Variants in DYNC2H1 observed in about 807,000 individuals in gnomAD.
DYNC2H1 encodes cytoplasmic dynein 2 heavy chain 1.
A neutral mutation model predicts 570.0 loss-of-function variants in DYNC2H1; 410 were observed. That is an observed-to-expected ratio of 0.72 (90% CI 0.66 to 0.78). The LOEUF is 0.78. Ranked by LOEUF, DYNC2H1 falls within the 30% of genes least tolerant of loss-of-function variation. The probability of loss-of-function intolerance (pLI) is 0.00; values close to 1 mark genes in which losing one functional copy is unlikely to be tolerated. For synonymous variants in DYNC2H1, 1,688 were observed against 1,677.6 expected (o/e 1.01, Z -0.15); for missense variants, 4,865 against 5,046.4 (o/e 0.96, Z 1.09).
Position 103,109,450 on chromosome 11 carries a change from G to A in DYNC2H1, c.-125G>A. 1.0e-6 allele frequency: 1 copy of A among 955,026 alleles called. No individual in the cohort carries two copies. Among genetic ancestry groups the A allele is most frequent in the Middle Eastern group, 3.1e-4 (1 of 3,232 alleles). The allele number at this position is 955,026 out of a possible 1,614,324, so 59.2% of individuals were successfully genotyped here. A position where few individuals can be genotyped will look rare whatever the true frequency, so the allele number is the denominator to read the frequency against. ...CATAGCGACTACCCCTGGCAACCGCGAAGCTCTGCGGTCCCGCGGTCGGGC... is the reference window on the plus strand; with the variant it reads ...CATAGCGACTACCCCTGGCAACCGCAAAGCTCTGCGGTCCCGCGGTCGGGC... On this transcript the variant is annotated 5_prime_UTR_variant, in exon 1 of 89. Transcript: ENST00000375735.
intron 31 of DYNC2H1, among the ~76,000 whole-genome samples, chr11:103,167,573 A>T (rs1265687260): frequency 1.3e-5 from 2 of 152,114 alleles, no homozygotes; most frequent in East Asian, 3.9e-4. Flanking sequence ...CGGCAATAAT[A>T]GTACTTTAAA....
intron 78 of DYNC2H1, among the ~76,000 whole-genome samples, chr11:103,309,360 T>TTTTTTTC (rs1867464570): frequency 6.7e-6 from 1 of 149,038 alleles, no homozygotes; most frequent in African/African-American, 2.5e-5. Flanking sequence ...TCTTTTCTTT[T>TTTTTTTC]TTTTTTTCTT....
chr11:103,168,237 A>G (rs2134956060), intron 31 of DYNC2H1, among the ~76,000 whole-genome samples: 1 of 152,280 alleles, frequency 6.6e-6, no homozygotes, highest in African/African-American at 2.4e-5. Flanking sequence ...CTTTCCTTCT[A>G]AAGCCTGAGC....
At chr11:103,462,514 G>A (rs1049019059) in intron 87 of DYNC2H1, among the ~76,000 whole-genome samples, 1 of 151,942 alleles carries the variant, frequency 6.6e-6, no homozygotes, top group Non-Finnish European at 1.5e-5. Context: ...GGATAACTAC[G>A]GTTGCACACT....
chr11:103,137,276 G>T (rs1279700901), intron 17 of DYNC2H1, among the ~76,000 whole-genome samples: 1 of 146,038 alleles, frequency 6.8e-6, no homozygotes, highest in African/African-American at 2.5e-5. Context: ...ATTGCTTTTG[G>T]TGTTTTAGAC....
intron 83 of DYNC2H1, among the ~76,000 whole-genome samples, chr11:103,365,217 T>C (rs1940847794): frequency 6.6e-6 from 1 of 151,928 alleles, no homozygotes; most frequent in Non-Finnish European, 1.5e-5. Flanking sequence ...CAAAATTAGC[T>C]GGGCATGGTG....
chr11:103,399,519 A>G, intron 83 of DYNC2H1, 144 bp from the exon 84 acceptor site: 2 of 635,438 alleles, frequency 3.1e-6, no homozygotes, highest in South Asian at 2.4e-5. Flanking sequence ...CTGACTTAAT[A>G]CATTTGACCG....
intron 1 of DYNC2H1, among the ~76,000 whole-genome samples, chr11:103,111,763 G>A (rs527711491): frequency 6.6e-6 from 1 of 151,934 alleles, no homozygotes; most frequent in East Asian, 1.9e-4. Flanking sequence ...TGTACACTTC[G>A]CTACAGGTTT....
At chr11:103,339,587 C>G (rs915013698) in intron 82 of DYNC2H1, among the ~76,000 whole-genome samples, 1 of 152,146 alleles carries the variant, frequency 6.6e-6, no homozygotes, top group African/African-American at 2.4e-5. Flanking sequence ...TTTTTCCTCT[C>G]TTTCCCACAA....
intron 83 of DYNC2H1, among the ~76,000 whole-genome samples, chr11:103,392,214 C>G (rs1942187992): frequency 1.3e-5 from 2 of 152,216 alleles, no homozygotes; most frequent in South Asian, 4.1e-4. Flanking sequence ...CGCCCCTCCC[C>G]CAGCCTCCTG....
In DYNC2H1 at chr11:103,280,388, T is replaced by C. The variant is rs1407684507; in HGVS notation, c.10736T>C (p.Met3579Thr). Residue 3579 changes from methionine (M) to threonine (T), a missense_variant, in exon 71 of 89, where the codon ATG (methionine) becomes ACG (threonine). Around this residue, in one of 5 missense-constraint regions of DYNC2H1, gnomAD observed 2,401 missense variants for 2,454.6 expected, o/e 0.98. Coordinates refer to ENST00000375735, the MANE Select transcript of DYNC2H1 (RefSeq NM_001377.3). The surrounding 1 kb of genome is among the most constrained non-coding windows in gnomAD (Gnocchi z 4.7). ...LMFALHFVRG[M>T]HPELFQENEW... ...TTCGCTTTGCATTTTGTTCGAGGCA[T>C]GCATCCTGAACTTTTTCAAGAAAAT... The C allele has an allele frequency of 9.6e-6, 15 of 1,555,642 alleles. No individual in the cohort carries two copies. The highest frequency in any genetic ancestry group is 2.4e-5 in the South Asian group (2 of 84,388).
rs1796591581 is a variant in DYNC2H1, at chr11:103,446,735, G to C, written c.12457-8451G>C. Among the ~76,000 whole-genome samples the C allele has an allele frequency of 6.6e-6, 1 of 152,012 alleles. No homozygotes were observed. The highest frequency in any genetic ancestry group is 2.4e-5 in the African/African-American group (1 of 41,402). On this transcript the variant is annotated intron_variant, in intron 85 of 88. Coordinates refer to ENST00000375735, the MANE Select transcript of DYNC2H1 (RefSeq NM_001377.3). The surrounding 1 kb of genome is among the most constrained non-coding windows in gnomAD (Gnocchi z 4.5). ...TGTGTTCACTATAAATTTTTAAATT[G>C]ATGGTACAAGAAAAAGGAAATGATT...
At chr11:103,473,111 T>A (rs769623053) in intron 88 of DYNC2H1, among the ~76,000 whole-genome samples, 2 of 152,208 alleles carry the variant, frequency 1.3e-5, no homozygotes, top group Non-Finnish European at 2.9e-5. Flanking sequence ...TATCATTGCC[T>A]CTATTTGAAA....
chr11:103,279,228 ATAAT>A (rs1866033523), intron 70 of DYNC2H1, among the ~76,000 whole-genome samples: 1 of 152,228 alleles, frequency 6.6e-6, no homozygotes, highest in South Asian at 2.1e-4. Flanking sequence ...TAATAAAGAC[ATAAT>A]TTTATTTACT....
chr11:103,356,876 T>C (rs1042768962), intron 82 of DYNC2H1, among the ~76,000 whole-genome samples: 2 of 152,166 alleles, frequency 1.3e-5, no homozygotes, highest in African/African-American at 4.8e-5. Flanking sequence ...TAACAAAATA[T>C]GAAATATAGT....
chr11:103,399,952 C>CAT (rs1942569674), intron 84 of DYNC2H1, 80 bp downstream of exon 84: 1 of 1,232,540 alleles, frequency 8.1e-7, no homozygotes, highest in Admixed American at 2.1e-5. Context: ...TGTCAGGAAT[C>CAT]ATATAGTTAA....
intron 32 of DYNC2H1, 117 bp downstream of exon 32, chr11:103,169,077 G>C: frequency 1.1e-6 from 1 of 933,388 alleles, no homozygotes; most frequent in Non-Finnish European, 1.5e-6. Flanking sequence ...AATATTTTTA[G>C]TATTATTGTC....
intron 34 of DYNC2H1, among the ~76,000 whole-genome samples, chr11:103,171,308 T>C (rs1185432979): frequency 6.6e-6 from 1 of 152,010 alleles, no homozygotes; most frequent in Non-Finnish European, 1.5e-5. Context: ...CAGGCTGGAG[T>C]GCAGTGGTGT....
At chr11:103,142,937 AC>A (rs1860035050) in intron 17 of DYNC2H1, among the ~76,000 whole-genome samples, 1 of 152,148 alleles carries the variant, frequency 6.6e-6, no homozygotes, top group Non-Finnish European at 1.5e-5. Flanking sequence ...ATGAATCTGG[AC>A]CCTTTCAGAT....
Sources: gnomAD v4.1 joint callset for allele counts (sites outside exome capture counted in the v4.1 genomes callset) on GRCh38, gnomAD v4.1.1 for gene constraint, gnomAD v4.1.1 regional missense constraint, Gnocchi (gnomAD v3.1) non-coding constraint, MANE v1.5 for transcripts, NCBI Gene and HGNC (gene_info 2026-07-23, HGNC 2026-07-21) for gene names.